Variants in ARHGAP24 observed in about 807,000 individuals in gnomAD.
The protein encoded by ARHGAP24 is rho GTPase-activating protein 24.
A neutral mutation model predicts 76.4 loss-of-function variants in ARHGAP24; 50 were observed. The observed-to-expected ratio is 0.65, with a 90% CI of 0.52 to 0.83. The LOEUF is 0.83. Among genes scored for constraint, ARHGAP24 ranks in the 40% least tolerant of loss-of-function variants. The pLI is 0.00. For missense variants in ARHGAP24, 930 were observed against 914.2 expected (o/e 1.02, Z -0.22); for synonymous variants, 345 against 323.3 (o/e 1.07, Z -0.72).
At chr4:85,498,217 C>T (rs1723655647) in intron 1 of ARHGAP24, among the ~76,000 whole-genome samples, 1 of 152,182 alleles carries the variant, frequency 6.6e-6, no homozygotes, top group Non-Finnish European at 1.5e-5. Flanking sequence ...ACACCTACTA[C>T]AGGGGAATTA....
At chr4:85,877,435 G>A (rs903412666) in intron 3 of ARHGAP24, among the ~76,000 whole-genome samples, 16 of 152,056 alleles carry the variant, frequency 1.1e-4, no homozygotes, top group African/African-American at 3.4e-4. Context: ...GACCAGCCTG[G>A]GCAACATTGC....
At chr4:85,557,512 C>T (rs1726433105) in intron 1 of ARHGAP24, among the ~76,000 whole-genome samples, 1 of 152,118 alleles carries the variant, frequency 6.6e-6, no homozygotes, top group East Asian at 1.9e-4. Context: ...TCACTGTTTC[C>T]CCAGTGTGGT....
At chr4:85,641,594 A>G (rs1365288482) in intron 2 of ARHGAP24, among the ~76,000 whole-genome samples, 1 of 152,196 alleles carries the variant, frequency 6.6e-6, no homozygotes, top group Non-Finnish European at 1.5e-5. Flanking sequence ...ATCCTGGATT[A>G]GGGCCTACCT....
At chr4:85,621,300 G>T (rs997712924) in intron 2 of ARHGAP24, among the ~76,000 whole-genome samples, 2 of 151,944 alleles carry the variant, frequency 1.3e-5, no homozygotes, top group Non-Finnish European at 2.9e-5. Flanking sequence ...GAAATTGCTG[G>T]GTCAAAGAGT....
chr4:85,974,991 C>G, intron 7 of ARHGAP24, 30 bp downstream of exon 7: 3 of 1,575,720 alleles, frequency 1.9e-6, no homozygotes, highest in Non-Finnish European at 2.6e-6. Context: ...CAAACGTAAA[C>G]AAGACAAGAC....
At chr4:85,687,652 A>G (rs1326903821) in intron 2 of ARHGAP24, among the ~76,000 whole-genome samples, 1 of 152,064 alleles carries the variant, frequency 6.6e-6, no homozygotes, top group Non-Finnish European at 1.5e-5. Flanking sequence ...TTCTTTATCC[A>G]ATTCAGCATT....
At chr4:85,869,039 A>G (rs1490017606) in intron 3 of ARHGAP24, among the ~76,000 whole-genome samples, 1 of 152,110 alleles carries the variant, frequency 6.6e-6, no homozygotes, top group Non-Finnish European at 1.5e-5. Flanking sequence ...CCTTGTTTCA[A>G]TACCAACTAC....
intron 2 of ARHGAP24, among the ~76,000 whole-genome samples, chr4:85,615,602 C>A (rs1720515922): frequency 6.6e-6 from 1 of 151,986 alleles, no homozygotes; most frequent in Admixed American, 6.5e-5. Context: ...TTTAAAATTG[C>A]TGGATGTTAT....
chr4:85,477,288 C>T (rs1266575360), intron 1 of ARHGAP24, among the ~76,000 whole-genome samples: 1 of 152,136 alleles, frequency 6.6e-6, no homozygotes, highest in African/African-American at 2.4e-5. Context: ...TACTTCATCT[C>T]AGGGGTTTGG....
chr4:85,902,403 G>C (rs977299230), intron 3 of ARHGAP24, among the ~76,000 whole-genome samples: 22 of 152,104 alleles, frequency 1.4e-4, no homozygotes, highest in African/African-American at 5.3e-4. Flanking sequence ...TGCATTGAGT[G>C]GACCCAGTGC....
chr4:85,606,859 G>C (rs1158999712), intron 2 of ARHGAP24, among the ~76,000 whole-genome samples: 1 of 152,214 alleles, frequency 6.6e-6, no homozygotes, highest in Non-Finnish European at 1.5e-5. Flanking sequence ...AAGGGAATAA[G>C]AAAGGCTGGA....
At position 86,001,570 on chromosome 4, in the gene ARHGAP24, T is replaced by C. The variant is rs2904086; in HGVS notation, c.*848T>C. ...GGACCGAATCTCTTTAACTGCTGGA[T>C]AGTTTTAGAGGAATTCTCCTGCTAC... On this transcript the variant is annotated 3_prime_UTR_variant, in exon 10 of 10. Coordinates refer to ENST00000395184, the MANE Select transcript of ARHGAP24 (RefSeq NM_001025616.3). 86,364 of 396,456 alleles carry C rather than the reference T, an allele frequency of 0.22. 9,931 individuals carry two copies. Among genetic ancestry groups the C allele is most frequent in the South Asian group, 0.4 (2,859 of 7,064 alleles). The allele number at this position is 396,456 out of a possible 1,614,324, so 24.6% of individuals were successfully genotyped here. A position where few individuals can be genotyped will look rare whatever the true frequency, so the allele number is the denominator to read the frequency against.
chr4:85,803,441 G>T (rs750736087), intron 3 of ARHGAP24, among the ~76,000 whole-genome samples: 1 of 152,190 alleles, frequency 6.6e-6, no homozygotes, highest in Non-Finnish European at 1.5e-5. Context: ...GGAATGAAGA[G>T]GAAGAAGGGA....
chr4:85,909,211 A>G (rs1439051080), intron 3 of ARHGAP24, among the ~76,000 whole-genome samples: 2 of 152,176 alleles, frequency 1.3e-5, no homozygotes, highest in African/African-American at 2.4e-5. Flanking sequence ...AGAGTCTACC[A>G]TAGAGAAACA....
chr4:85,482,746 C>T (rs1396980755), intron 1 of ARHGAP24, among the ~76,000 whole-genome samples: 1 of 152,180 alleles, frequency 6.6e-6, no homozygotes, highest in Non-Finnish European at 1.5e-5. Context: ...TGGCCCTGTG[C>T]TTGTCATAGG....
At chr4:85,908,026 C>T (rs937310455) in intron 3 of ARHGAP24, among the ~76,000 whole-genome samples, 2 of 152,140 alleles carry the variant, frequency 1.3e-5, no homozygotes, top group Admixed American at 6.5e-5. Flanking sequence ...GAAACCAACT[C>T]AACTTGAAAA....
chr4:85,967,971 GAGACAGCCCCA>G (rs1210288341), intron 5 of ARHGAP24, among the ~76,000 whole-genome samples: 1 of 152,134 alleles, frequency 6.6e-6, no homozygotes, highest in Non-Finnish European at 1.5e-5. Flanking sequence ...GCGAGGTACA[GAGACAGCCCCA>G]TTACATGGCA....
intron 1 of ARHGAP24, among the ~76,000 whole-genome samples, chr4:85,553,543 C>T (rs1216925667): frequency 1.3e-5 from 2 of 150,846 alleles, no homozygotes; most frequent in Non-Finnish European, 3.0e-5. Context: ...AAAAGTTCTC[C>T]AAGTCCCCTA....
chr4:85,562,402 A>T (rs1174366524), intron 1 of ARHGAP24, among the ~76,000 whole-genome samples: 1 of 150,458 alleles, frequency 6.6e-6, no homozygotes, highest in African/African-American at 2.4e-5. Context: ...TTCTCAGTAC[A>T]CTTAGTTTTA....
Sources: gnomAD v4.1 joint callset for allele counts (sites outside exome capture counted in the v4.1 genomes callset) on GRCh38, gnomAD v4.1.1 for gene constraint, MANE v1.5 for transcripts, NCBI Gene and HGNC (gene_info 2026-07-23, HGNC 2026-07-21) for gene names.